Variants in FZR1 observed in about 807,000 individuals in gnomAD.
FZR1 encodes fizzy-related protein homolog.
A neutral mutation model predicts 63.6 loss-of-function variants in FZR1; 11 were observed. That is an observed-to-expected ratio of 0.17 (90% CI 0.11 to 0.29). The LOEUF is 0.29. Among genes scored for constraint, FZR1 ranks in the 10% least tolerant of loss-of-function variants. The probability of loss-of-function intolerance (pLI) is 1.00; values close to 1 mark genes in which losing one functional copy is unlikely to be tolerated. For synonymous variants in FZR1, 328 were observed against 297.9 expected, an observed-to-expected ratio of 1.10 and a Z score of -1.04; for missense variants, 440 against 687.5, an observed-to-expected ratio of 0.64 and a Z score of 4.03.
At position 3,526,397 on chromosome 19, in the gene FZR1, G is replaced by A. The variant is rs760294838; in HGVS notation, c.387+11G>A. 25 of 1,560,990 alleles carry A rather than the reference G, an allele frequency of 1.6e-5. No homozygotes were observed. The highest frequency in any genetic ancestry group is 2.4e-5 in the East Asian group (1 of 41,998). ...AAGGGTCTGTTCACGGTAAGCCTGC[G>A]GCACCCCCCACCCGGGAGCTGGCTC... On this transcript the variant is annotated intron_variant, in intron 5 of 13. Transcript: ENST00000441788. The surrounding 1 kb of genome is among the most constrained non-coding windows in gnomAD (Gnocchi z 5.4).
rs138835338 is a variant in FZR1 at position 3,527,021 on chromosome 19, C to T, written c.429C>T (p.Asn143=). 6.8e-3 allele frequency: 10,887 copies of T among 1,612,654 alleles called. 53 individuals are homozygous for T. The highest frequency in any genetic ancestry group is 0.01 in the South Asian group (954 of 91,090). Reference sequence around the variant, plus strand: ...AGCGCTCCAGCCCCGATGACGGCAACGATGTGTCTCCCTACTCCCTGTCTC... The same window carrying T: ...AGCGCTCCAGCCCCGATGACGGCAATGATGTGTCTCCCTACTCCCTGTCTC... The part of the protein sequence containing the change: ...STKRSSPDDG[N]DVSPYSLSPV... Residue 143 remains asparagine, a synonymous_variant, in exon 6 of 14, where the codon AAC becomes AAT. Transcript: ENST00000441788.
At position 3,531,663 on chromosome 19, in the gene FZR1, G is replaced by A; in HGVS notation, c.721-51G>A. On this transcript the variant is annotated intron_variant, in intron 8 of 13. Transcript: ENST00000441788. ...CGCGACCAACGCCAGGACGGGCACA[G>A]TCCCCGGGCCAGACCTGACACCGGT... is the stretch of plus-strand genomic sequence containing the variant. 2.2e-6 allele frequency: 3 copies of A among 1,339,264 alleles called. No individual in the cohort carries two copies. In the South Asian group the frequency reaches 3.8e-5, roughly 17 times the overall value. 83.0% of individuals were successfully genotyped at this position (1,339,264 alleles called of 1,614,324 possible).
In FZR1 at chr19:3,525,294, C is replaced by G. The variant is rs1306847759; in HGVS notation, c.70-574C>G. ...CACTCCACCCCGTCCCGTGGCCCTG[C>G]CCTCACCACCCTCCTGCCTGGCAGC... On this transcript the variant is annotated intron_variant, in intron 2 of 13. Transcript: ENST00000441788. This position sits in a 1 kb window ranked among gnomAD's most constrained non-coding sequence, Gnocchi z 4.2. Among the ~76,000 whole-genome samples the G allele has an allele frequency of 6.6e-6, 1 of 152,130 alleles. No homozygotes were observed. Among genetic ancestry groups the G allele is most frequent in the African/African-American group, 2.4e-5 (1 of 41,430 alleles).
rs1407967663 is a variant in FZR1, at chr19:3,525,718, G to A, written c.70-150G>A. On this transcript the variant is annotated intron_variant, in intron 2 of 13. Transcript: ENST00000441788. This position sits in a 1 kb window ranked among gnomAD's most constrained non-coding sequence, Gnocchi z 4.2. ...CGGCCTCCCAAAGTGCTGGGATTAC[G>A]GGCGTGAGCCACCGCGCCTGGCCCA... is the stretch of plus-strand genomic sequence containing the variant. 1.6e-5 allele frequency: 14 copies of A among 855,234 alleles called. No homozygotes were observed. The Middle Eastern group carries it at 1.5e-3, about 92-fold the overall frequency. 53.0% of individuals were successfully genotyped at this position (855,234 alleles called of 1,614,324 possible).
chr19:3,534,924 C>G lies in FZR1; in HGVS notation c.*88C>G, dbSNP rs542702340. 2.1e-5 allele frequency: 24 copies of G among 1,116,452 alleles called. No homozygotes were observed. In the Admixed American group the frequency reaches 3.8e-4, roughly 17 times the overall value. 69.2% of individuals were successfully genotyped at this position (1,116,452 alleles called of 1,614,324 possible). The stretch of plus-strand genomic sequence containing the variant: ...TTGCATGGACTCTGCCTTCCCAGCG[C>G]TTGTCCCCCGAGGAAGGCGGCTGGG... On this transcript the variant is annotated 3_prime_UTR_variant, in exon 14 of 14. Coordinates refer to ENST00000441788, the MANE Select transcript of FZR1 (RefSeq NM_016263.4).
rs2029945791 is a variant in FZR1, at chr19:3,536,000, C to CCCCCACCA, written c.*1169_*1176dup. On this transcript the variant is annotated 3_prime_UTR_variant, in exon 14 of 14. Coordinates refer to ENST00000441788, the MANE Select transcript of FZR1 (RefSeq NM_016263.4). ...CTGAGCTGAGCACTGCCCCCTCACC[C>CCCCCACCA]CCCCACCACCCCTTCCCATTTCATC... The CCCCCACCA allele has an allele frequency of 6.6e-6, 1 of 152,406 alleles. No individual in the cohort carries two copies. Among genetic ancestry groups the CCCCCACCA allele is most frequent in the Non-Finnish European group, 1.5e-5 (1 of 68,232 alleles). The allele number at this position is 152,406 out of a possible 1,614,324, so 9.4% of individuals were successfully genotyped here.
Position 3,533,166 on chromosome 19 carries a change from C to G in FZR1, c.1243-128C>G. The G allele has an allele frequency of 1.5e-6, 1 of 682,304 alleles. No individual in the cohort carries two copies. The highest frequency in any genetic ancestry group is 2.7e-6 in the Non-Finnish European group (1 of 377,218). 42.3% of individuals were successfully genotyped at this position (682,304 alleles called of 1,614,324 possible). A position where few individuals can be genotyped will look rare whatever the true frequency, so the allele number is the denominator to read the frequency against. On this transcript the variant is annotated intron_variant, in intron 11 of 13. Coordinates refer to ENST00000441788, the MANE Select transcript of FZR1 (RefSeq NM_016263.4). This position sits in a 1 kb window ranked among gnomAD's most constrained non-coding sequence, Gnocchi z 4.9. ...TGGCAGAGCCACATCCCAGCATCCC[C>G]TGCTCCTCCTGGGCTGGCTGGCGGC... is the stretch of plus-strand genomic sequence containing the variant.
At position 3,533,886 on chromosome 19, in the gene FZR1, G is replaced by C. The variant is rs1286378215; in HGVS notation, c.1347+488G>C. On this transcript the variant is annotated intron_variant, in intron 12 of 13. Coordinates refer to ENST00000441788, the MANE Select transcript of FZR1 (RefSeq NM_016263.4). The surrounding 1 kb of genome is among the most constrained non-coding windows in gnomAD (Gnocchi z 4.9). Reference sequence around the variant, plus strand: ...AGTCCCTCATCTGTGCAGAGTTGATGAGCCCCTCTTGCAAGGGGGCGTCCT... The same window carrying C: ...AGTCCCTCATCTGTGCAGAGTTGATCAGCCCCTCTTGCAAGGGGGCGTCCT... 1 of 162,120 alleles carries C rather than the reference G, an allele frequency of 6.2e-6. No homozygotes were observed. The highest frequency in any genetic ancestry group is 2.4e-5 in the African/African-American group (1 of 41,592). 10.0% of individuals were successfully genotyped at this position (162,120 alleles called of 1,614,324 possible). A position where few individuals can be genotyped will look rare whatever the true frequency, so the allele number is the denominator to read the frequency against.
At chr19:3,524,272 C>T (rs886164267) in intron 2 of FZR1, among the ~76,000 whole-genome samples, 4 of 152,144 alleles carry the variant, frequency 2.6e-5, no homozygotes, top group Admixed American at 6.5e-5. Context: ...GGGCGCAGTG[C>T]GAGGATCCAG....
chr19:3,527,359 C>T (rs190334413), intron 6 of FZR1, among the ~76,000 whole-genome samples: 144 of 152,328 alleles, frequency 9.5e-4, no homozygotes, highest in South Asian at 3.5e-3. Flanking sequence ...GTGTTGGCCT[C>T]AGACAAGGGG....
In FZR1 at chr19:3,536,772, C is replaced by T. The variant is rs1352287882; in HGVS notation, c.*1936C>T. On this transcript the variant is annotated 3_prime_UTR_variant, in exon 14 of 14. Coordinates refer to ENST00000441788, the MANE Select transcript of FZR1 (RefSeq NM_016263.4). ...TTCATGTGTGGCCGGGACTGGCTGG[C>T]TCTAGGTCCCCGGCTCGGGTGGGGT... 1 of 152,298 alleles carries T rather than the reference C, an allele frequency of 6.6e-6. No homozygotes were observed. The highest frequency in any genetic ancestry group is 1.5e-5 in the Non-Finnish European group (1 of 68,090). The allele number at this position is 152,298 out of a possible 1,614,324, so 9.4% of individuals were successfully genotyped here.
chr19:3,518,050 T>G (rs2121921236), intron 1 of FZR1, among the ~76,000 whole-genome samples: 1 of 148,820 alleles, frequency 6.7e-6, no homozygotes, highest in East Asian at 2.0e-4. Context: ...AGTCTCACTG[T>G]GTCACCCAGG....
intron 8 of FZR1, among the ~76,000 whole-genome samples, chr19:3,531,446 T>C (rs1333779679): frequency 6.6e-6 from 1 of 152,210 alleles, no homozygotes; most frequent in Admixed American, 6.5e-5. Context: ...CTTCCCTCTG[T>C]GTGAAATGTC....
chr19:3,508,465 G>T (rs2083001976), intron 1 of FZR1, among the ~76,000 whole-genome samples: 1 of 152,170 alleles, frequency 6.6e-6, no homozygotes, highest in Non-Finnish European at 1.5e-5. Flanking sequence ...CCAAAGTGCT[G>T]TGATTACAGG....
chr19:3,509,897 A>C (rs1568228288), intron 1 of FZR1, among the ~76,000 whole-genome samples: 1 of 151,818 alleles, frequency 6.6e-6, no homozygotes, highest in African/African-American at 2.4e-5. Flanking sequence ...TTGTGAGTTG[A>C]GCTGCTGCGA....
chr19:3,519,736 C>T (rs899051890), intron 1 of FZR1, among the ~76,000 whole-genome samples: 4 of 152,336 alleles, frequency 2.6e-5, no homozygotes, highest in Admixed American at 2.0e-4. Context: ...GACGGAGACT[C>T]CCCCAGGAGC....
At position 3,525,026 on chromosome 19, in the gene FZR1, C is replaced by T. The variant is rs377717090; in HGVS notation, c.70-842C>T. 5.9e-5 allele frequency among the ~76,000 whole-genome samples: 9 copies of T among 152,162 alleles called. No individual in the cohort carries two copies. The highest frequency in any genetic ancestry group is 8.8e-5 in the Non-Finnish European group (6 of 68,022). ...TAACAGACCCCTCATAGAAAAAAGA[C>T]GGCGCGGGGACAGTCAGATGGGGTT... On this transcript the variant is annotated intron_variant, in intron 2 of 13. Coordinates refer to ENST00000441788, the MANE Select transcript of FZR1 (RefSeq NM_016263.4). The surrounding 1 kb of genome is among the most constrained non-coding windows in gnomAD (Gnocchi z 4.2).
chr19:3,525,987 G>A lies in FZR1; in HGVS notation c.189G>A (p.Arg63=). ...AGANWSVNFH[R]INENEKSPSQ... ...CCAACTGGAGCGTGAACTTCCACAGGATTAACGTGAGGGGCTGGCTGGGCA... is the reference window on the plus strand; with the variant it reads ...CCAACTGGAGCGTGAACTTCCACAGAATTAACGTGAGGGGCTGGCTGGGCA... Residue 63 remains arginine (R), a synonymous_variant, in exon 3 of 14, where the codon AGG becomes AGA. Coordinates refer to ENST00000441788, the MANE Select transcript of FZR1 (RefSeq NM_016263.4). The surrounding 1 kb of genome is among the most constrained non-coding windows in gnomAD (Gnocchi z 4.2). 1.2e-6 allele frequency: 2 copies of A among 1,612,094 alleles called. No individual in the cohort carries two copies. Among genetic ancestry groups the A allele is most frequent in the Non-Finnish European group, 1.7e-6 (2 of 1,179,704 alleles).
Position 3,527,660 on chromosome 19 carries a change from C to T in FZR1, c.500C>T (p.Pro167Leu). 6.2e-7 allele frequency: 1 copy of T among 1,611,074 alleles called. No individual in the cohort carries two copies. Among genetic ancestry groups the T allele is most frequent in the Non-Finnish European group, 8.5e-7 (1 of 1,179,662 alleles). ...SQKLLRSPRKPTRKISKIPFK... is the reference protein window; with the variant it reads ...SQKLLRSPRKLTRKISKIPFK... ...AAGCTGCTCCGGTCCCCCCGGAAACCCACCCGCAAGATCTCCAAGATCCCC... is the reference window on the plus strand; with the variant it reads ...AAGCTGCTCCGGTCCCCCCGGAAACTCACCCGCAAGATCTCCAAGATCCCC... Residue 167 changes from proline (P) to leucine (L), a missense_variant, in exon 7 of 14, where the codon CCC (proline) becomes CTC (leucine). Coordinates refer to ENST00000441788, the MANE Select transcript of FZR1 (RefSeq NM_016263.4).
Sources: gnomAD v4.1 joint callset for allele counts (sites outside exome capture counted in the v4.1 genomes callset) on GRCh38, gnomAD v4.1.1 for gene constraint, Gnocchi (gnomAD v3.1) non-coding constraint, MANE v1.5 for transcripts, NCBI Gene and HGNC (gene_info 2026-07-23, HGNC 2026-07-21) for gene names.